PAX2: variants seen among roughly 807,000 people sequenced by gnomAD.
PAX2 encodes paired box 2.
A neutral mutation model predicts 41.7 loss-of-function variants in PAX2; 9 were observed. That is an observed-to-expected ratio of 0.22 (90% CI 0.13 to 0.38). PAX2 has a LOEUF of 0.38. Ranked by LOEUF, PAX2 falls within the 10% of genes least tolerant of loss-of-function variation. The pLI, the probability that PAX2 is intolerant of heterozygous loss-of-function variation, is 1.00. For synonymous variants in PAX2, 221 were observed against 212.7 expected (o/e 1.04, Z -0.34); for missense variants, 418 against 531.6 (o/e 0.79, Z 2.10).
At position 100,781,332 on chromosome 10, in the gene PAX2, C is replaced by T. The variant is rs759012541; in HGVS notation, c.583C>T (p.Arg195Cys). 15 of 1,613,888 alleles carry T rather than the reference C, an allele frequency of 9.3e-6. No homozygotes were observed. The East Asian group carries it at 2.2e-4, about 24-fold the overall frequency. ...YSINGILGIP[R>C]SNGEKRKRDE... is the part of the protein sequence containing the mutation. ...CATCAATGGGATCCTGGGGATTCCTCGCTCCAATGGTGAGAAGAGGAAACG... is the reference window on the plus strand; with the variant it reads ...CATCAATGGGATCCTGGGGATTCCTTGCTCCAATGGTGAGAAGAGGAAACG... The change falls in exon 5 of 10, where the codon CGC (arginine) becomes TGC (cysteine). Residue 195 changes from arginine (R) to cysteine (C), a missense_variant. By Grantham distance (180) the Arg-to-Cys change is radical. Coordinates refer to ENST00000355243, the MANE Select transcript of PAX2 (RefSeq NM_000278.5).
chr10:100,740,276 G>A (rs1407337783), intron 1 of PAX2, among the ~76,000 whole-genome samples: 1 of 152,152 alleles, frequency 6.6e-6, no homozygotes, highest in Non-Finnish European at 1.5e-5. Context: ...TGGTGGTTGG[G>A]GGGTGGGCAG....
chr10:100,797,063 A>T (rs1186355959), intron 5 of PAX2, among the ~76,000 whole-genome samples: 1 of 152,212 alleles, frequency 6.6e-6, no homozygotes, highest in East Asian at 1.9e-4. Flanking sequence ...AAAAGGTAAA[A>T]TGTTGAGCAT....
chr10:100,809,352 A>C, intron 7 of PAX2, 116 bp downstream of exon 7: 1 of 1,076,960 alleles, frequency 9.3e-7, no homozygotes, highest in Non-Finnish European at 1.4e-6. Flanking sequence ...TACAGAGAGA[A>C]CGAGGCTTCT....
chr10:100,769,624 AAGAAT>A (rs1161482046), intron 3 of PAX2, among the ~76,000 whole-genome samples: 2,938 of 81,146 alleles, frequency 0.036, 124 homozygotes, highest in African/African-American at 0.11. Flanking sequence ...CCATCTCAAA[AAGAAT>A]AAAATAAAAT....
chr10:100,828,890 G>A lies in PAX2; in HGVS notation c.*1271G>A. 4.3e-6 allele frequency: 1 copy of A among 231,060 alleles called. No individual in the cohort carries two copies. The allele number at this position is 231,060 out of a possible 1,614,324, so 14.3% of individuals were successfully genotyped here. On this transcript the variant is annotated 3_prime_UTR_variant, in exon 10 of 10. Coordinates refer to ENST00000355243, the MANE Select transcript of PAX2 (RefSeq NM_000278.5). The surrounding 1 kb of genome is among the most constrained non-coding windows in gnomAD (Gnocchi z 6.5). The stretch of plus-strand genomic sequence containing the variant: ...AAGACGGTGTGTGTCGTGTGAAGGC[G>A]AAACCCGGTGTACATAACCCCTCCC...
Position 100,824,378 on chromosome 10 carries a change from A to ACACACACACG in PAX2, c.920-261_920-260insGCACACACAC. Among the ~76,000 whole-genome samples the ACACACACACG allele has an allele frequency of 6.6e-6, 1 of 151,804 alleles. No homozygotes were observed. The highest frequency in any genetic ancestry group is 2.1e-4 in the South Asian group (1 of 4,808). Reference sequence around the variant, plus strand: ...TACACACACACACACACACACACACACACACACACACACACACAAATACAC... The same window carrying ACACACACACG: ...TACACACACACACACACACACACACACACACACACGCACACACACACACACACAAATACAC... On this transcript the variant is annotated intron_variant, in intron 7 of 9. Transcript: ENST00000355243. This position sits in a 1 kb window ranked among gnomAD's most constrained non-coding sequence, Gnocchi z 6.6.
intron 1 of PAX2, among the ~76,000 whole-genome samples, chr10:100,746,567 C>T (rs1455942617): frequency 6.6e-6 from 1 of 152,238 alleles, no homozygotes; most frequent in Admixed American, 6.5e-5. Flanking sequence ...TTTGCTCTTT[C>T]TATCCGCTCC....
chr10:100,785,661 C>G (rs1253675967), intron 5 of PAX2, among the ~76,000 whole-genome samples: 1 of 152,122 alleles, frequency 6.6e-6, no homozygotes, highest in Non-Finnish European at 1.5e-5. Context: ...AGACTTGGAG[C>G]AAATGAGGGG....
At chr10:100,793,888 T>C (rs894950576) in intron 5 of PAX2, among the ~76,000 whole-genome samples, 1 of 152,164 alleles carries the variant, frequency 6.6e-6, no homozygotes, top group African/African-American at 2.4e-5. Flanking sequence ...CTCAGGAGCT[T>C]AGAGCCTGCT....
rs372536654 is a variant in PAX2 at position 100,800,471 on chromosome 10, C to G, written c.617-5959C>G. Among the ~76,000 whole-genome samples, 5 of 151,784 alleles carry G rather than the reference C, an allele frequency of 3.3e-5. No homozygotes were observed. In the South Asian group the frequency reaches 1.0e-3, roughly 32 times the overall value. On this transcript the variant is annotated intron_variant, in intron 5 of 9. Coordinates refer to ENST00000355243, the MANE Select transcript of PAX2 (RefSeq NM_000278.5). ...TTTTTATTTTTGTAAAGATGAGTCT[C>G]GCTATGTTGCCCAGGCTGGTCTCAC...
At chr10:100,735,484 CGGGGTGCCGGAGCCTCTGCGCGGCCG>C (rs1844757071) in exon 1 of PAX2, 1 of 241,570 alleles carries the variant, frequency 4.1e-6, no homozygotes, top group Admixed American at 5.7e-5. Context: ...CCGGGCTCCT[CGGGGTGCCGGAGCCTCTGCGCGGCCG>C]GGAGTGAGAG....
chr10:100,780,545 A>C (rs1467868764), intron 4 of PAX2, among the ~76,000 whole-genome samples: 2 of 147,128 alleles, frequency 1.4e-5, no homozygotes, highest in Non-Finnish European at 3.0e-5. Flanking sequence ...GCTGGGAGGG[A>C]GGGTTGGGCC....
chr10:100,752,235 G>A (rs974819009), intron 3 of PAX2, among the ~76,000 whole-genome samples: 10 of 152,176 alleles, frequency 6.6e-5, no homozygotes, highest in Admixed American at 3.3e-4. Flanking sequence ...ATACTGATCA[G>A]CTAATTATAC....
intron 8 of PAX2, among the ~76,000 whole-genome samples, chr10:100,825,223 A>AC (rs2133985618): frequency 6.6e-6 from 1 of 152,082 alleles, no homozygotes; most frequent in Non-Finnish European, 1.5e-5. Flanking sequence ...TTGAGAACCA[A>AC]CCCCAACCCC....
At chr10:100,757,799 A>G (rs1845688293) in intron 3 of PAX2, among the ~76,000 whole-genome samples, 1 of 150,384 alleles carries the variant, frequency 6.6e-6, no homozygotes. Flanking sequence ...ATGAGGCGTG[A>G]TGGCAGAGGC....
chr10:100,781,501 C>T, intron 5 of PAX2, 136 bp downstream of exon 5: 17 of 922,940 alleles, frequency 1.8e-5, no homozygotes, highest in Non-Finnish European at 2.7e-5. Context: ...CCCCCCACTG[C>T]CCTGCTGGCT....
intron 3 of PAX2, among the ~76,000 whole-genome samples, chr10:100,778,933 T>TG (rs2133892944): frequency 6.6e-6 from 1 of 152,290 alleles, no homozygotes; most frequent in East Asian, 1.9e-4. Context: ...TGTGCTGTGT[T>TG]GGAGTCCTGG....
intron 3 of PAX2, among the ~76,000 whole-genome samples, chr10:100,756,222 A>G (rs1299557195): frequency 2.0e-5 from 3 of 152,116 alleles, no homozygotes; most frequent in Non-Finnish European, 2.9e-5. Flanking sequence ...ATGAGCCCAC[A>G]TGGGATAGGG....
chr10:100,744,747 C>T (rs1040680405), upstream of PAX2, among the ~76,000 whole-genome samples: 79 of 152,366 alleles, frequency 5.2e-4, 1 homozygote, highest in African/African-American at 1.8e-3. Context: ...CCAAGTCCCC[C>T]GGCTCTCCCG....
Sources: gnomAD v4.1 joint callset for allele counts (sites outside exome capture counted in the v4.1 genomes callset) on GRCh38, gnomAD v4.1.1 for gene constraint, Gnocchi (gnomAD v3.1) non-coding constraint, MANE v1.5 for transcripts, NCBI Gene and HGNC (gene_info 2026-07-23, HGNC 2026-07-21) for gene names.